The following SCN8A variants were observed in gnomAD, a reference collection of about 807,000 sequenced individuals.
SCN8A encodes the protein sodium voltage-gated channel alpha subunit 8.
SCN8A carries 30 observed loss-of-function variants against 184.1 expected under a neutral mutation model. The ratio of observed to expected loss-of-function variants is 0.16; its 90% CI spans 0.12 to 0.22. The LOEUF (loss-of-function observed/expected upper bound fraction) is 0.22, where lower values mean the gene tolerates loss of function less well. SCN8A is among the 10% of genes least tolerant of loss of function. The probability of loss-of-function intolerance (pLI) is 1.00; values close to 1 mark genes in which losing one functional copy is unlikely to be tolerated. For synonymous variants in SCN8A, 852 were observed against 907.0 expected (o/e 0.94, Z 1.09); for missense variants, 1,057 against 2,498.9 (o/e 0.42, Z 12.30).
intron 14 of SCN8A, among the ~76,000 whole-genome samples, chr12:51,758,507 G>A (rs149283193): frequency 0.011 from 1,639 of 152,158 alleles, 24 homozygotes; most frequent in African/African-American, 0.036. Flanking sequence ...GCACAATCTC[G>A]GCTCACTGCA....
At chr12:51,778,685 G>A (rs1369917965) in intron 20 of SCN8A, among the ~76,000 whole-genome samples, 1 of 152,092 alleles carries the variant, frequency 6.6e-6, no homozygotes, top group Non-Finnish European at 1.5e-5. Context: ...TTTAAAAATT[G>A]TGTGTGTGCA....
chr12:51,650,644 C>G (rs1447965373), intron 1 of SCN8A, among the ~76,000 whole-genome samples: 1 of 151,646 alleles, frequency 6.6e-6, no homozygotes, highest in Non-Finnish European at 1.5e-5. Context: ...AACAAAATCT[C>G]TGCAGCACTG....
intron 21 of SCN8A, among the ~76,000 whole-genome samples, chr12:51,785,537 A>G (rs1029654713): frequency 4.2e-4 from 64 of 152,236 alleles, no homozygotes; most frequent in Non-Finnish European, 7.5e-4. Context: ...AATGCAGTCT[A>G]AGGCAAAACC....
At chr12:51,606,537 G>C (rs971023300) in intron 1 of SCN8A, among the ~76,000 whole-genome samples, 2 of 152,118 alleles carry the variant, frequency 1.3e-5, no homozygotes, top group African/African-American at 2.4e-5. Flanking sequence ...CTCCAGATTT[G>C]TTCTTTTTGC....
At chr12:51,686,976 C>G (rs892222191) in intron 4 of SCN8A, 115 bp from the exon 5 acceptor site, 1 of 1,011,526 alleles carries the variant, frequency 9.9e-7, no homozygotes, top group African/African-American at 1.6e-5. Context: ...ATTGGCTGTG[C>G]CCTTTCTGTT....
At chr12:51,803,077 A>G (rs1421324569) in intron 26 of SCN8A, among the ~76,000 whole-genome samples, 2 of 152,216 alleles carry the variant, frequency 1.3e-5, no homozygotes, top group African/African-American at 4.8e-5. Context: ...ACAGCAGGCC[A>G]TCTGCAAGCT....
In SCN8A at chr12:51,748,849, A is replaced by G. The variant is rs566419779; in HGVS notation, c.2132-2506A>G. 3.9e-4 allele frequency among the ~76,000 whole-genome samples: 59 copies of G among 152,286 alleles called. No individual in the cohort carries two copies. The South Asian group carries it at 0.012, about 31-fold the overall frequency. ...GGTGCCTAGCACATTGCAGATGCTT[A>G]AAAGTTGTTGAACTGAGTTGAGGGA... is the stretch of plus-strand genomic sequence containing the variant. On this transcript the variant is annotated intron_variant, in intron 13 of 26. Coordinates refer to ENST00000627620, the MANE Select transcript of SCN8A (RefSeq NM_001330260.2).
intron 20 of SCN8A, among the ~76,000 whole-genome samples, chr12:51,778,625 G>A (rs895479418): frequency 1.1e-4 from 16 of 151,920 alleles, no homozygotes; most frequent in African/African-American, 3.4e-4. Context: ...TACACCTTCC[G>A]CTTCTACCCC....
chr12:51,626,427 C>G (rs1022531302), intron 1 of SCN8A, among the ~76,000 whole-genome samples: 1 of 152,120 alleles, frequency 6.6e-6, no homozygotes, highest in East Asian at 1.9e-4. Flanking sequence ...GCTCTCCGTA[C>G]CTACCAGTTG....
rs781237471 is a variant in SCN8A at position 51,769,024 on chromosome 12, G to C, written c.3061G>C (p.Ala1021Pro). ...ACTAAAGGTGCACGCCTTCATGCAG[G>C]CCCACTTTAAGCAGCGTGAGGCTGA... ...TKLKVHAFMQ[A>P]HFKQREADEV... The change falls in exon 17 of 27, where the codon GCC becomes CCC. Residue 1021 changes from alanine to proline, a missense_variant. Around this residue, in one of 19 missense-constraint regions of SCN8A, gnomAD observed 178 missense variants for 259.6 expected, o/e 0.69. Coordinates refer to ENST00000627620, the MANE Select transcript of SCN8A (RefSeq NM_001330260.2). 29 of 1,613,864 alleles carry C rather than the reference G, an allele frequency of 1.8e-5. 1 individual carries two copies. In the South Asian group the frequency reaches 3.1e-4, roughly 17 times the overall value.
At chr12:51,775,096 C>T (rs1937646683) in intron 20 of SCN8A, among the ~76,000 whole-genome samples, 1 of 152,186 alleles carries the variant, frequency 6.6e-6, no homozygotes, top group Non-Finnish European at 1.5e-5. Flanking sequence ...TGACTGGTCT[C>T]TTATTCTATG....
chr12:51,754,531 G>C (rs868361992), intron 14 of SCN8A, among the ~76,000 whole-genome samples: 1 of 152,044 alleles, frequency 6.6e-6, no homozygotes. Context: ...TTTTCCTATA[G>C]CCCTGATTGT....
intron 7 of SCN8A, among the ~76,000 whole-genome samples, chr12:51,700,059 G>A (rs376515744): frequency 1.3e-5 from 2 of 151,878 alleles, no homozygotes; most frequent in Admixed American, 6.6e-5. Flanking sequence ...CCAGCTACTC[G>A]GGAGGCTGAG....
intron 15 of SCN8A, among the ~76,000 whole-genome samples, chr12:51,764,776 CT>C (rs1197098413): frequency 7.5e-4 from 107 of 143,012 alleles, no homozygotes; most frequent in Middle Eastern, 3.6e-3. Flanking sequence ...AGGCTCTTTT[CT>C]TTTTTTTTTT....
chr12:51,666,014 A>T (rs1423945714), intron 2 of SCN8A, among the ~76,000 whole-genome samples: 1 of 152,186 alleles, frequency 6.6e-6, no homozygotes, highest in Non-Finnish European at 1.5e-5. Context: ...GTCAGCCAAG[A>T]TTGTGCTACT....
At chr12:51,739,679 T>G (rs1218168368) in intron 12 of SCN8A, among the ~76,000 whole-genome samples, 1 of 152,188 alleles carries the variant, frequency 6.6e-6, no homozygotes, top group East Asian at 1.9e-4. Context: ...TCGGGTGTCC[T>G]CCAGCTAGTT....
intron 12 of SCN8A, among the ~76,000 whole-genome samples, chr12:51,729,304 CTCTCCTAAAAAG>C (rs1394214953): frequency 1.3e-5 from 2 of 152,120 alleles, no homozygotes; most frequent in Non-Finnish European, 2.9e-5. Context: ...TACCATAAGA[CTCTCCTAAAAAG>C]TACTCTCCTA....
intron 12 of SCN8A, chr12:51,722,604 A>G (rs1343682753): frequency 1.3e-5 from 2 of 152,460 alleles, no homozygotes; most frequent in African/African-American, 4.8e-5. Flanking sequence ...GGAGAAGTTA[A>G]AGAGGCCAAT....
chr12:51,645,369 C>T (rs1164638476), intron 1 of SCN8A, among the ~76,000 whole-genome samples: 5 of 148,668 alleles, frequency 3.4e-5, no homozygotes, highest in African/African-American at 9.9e-5. Flanking sequence ...CTGCCCCGTC[C>T]GGGAGGTGAG....
Sources: gnomAD v4.1 joint callset for allele counts (sites outside exome capture counted in the v4.1 genomes callset) on GRCh38, gnomAD v4.1.1 for gene constraint, gnomAD v4.1.1 regional missense constraint, MANE v1.5 for transcripts, NCBI Gene and HGNC (gene_info 2026-07-23, HGNC 2026-07-21) for gene names.